The following MYO5A variants were observed in gnomAD, a reference collection of about 807,000 sequenced individuals.
MYO5A encodes myosin VA.
A neutral mutation model predicts 249.7 loss-of-function variants in MYO5A; 98 were observed. The observed-to-expected ratio is 0.39, with a 90% CI of 0.33 to 0.46. MYO5A has a LOEUF of 0.46. Ranked by LOEUF, MYO5A falls within the 20% of genes least tolerant of loss-of-function variation. MYO5A has a pLI of 0.98. For missense variants in MYO5A, 1,696 were observed against 2,308.8 expected (o/e 0.73, Z 5.44); for synonymous variants, 778 against 810.6 (o/e 0.96, Z 0.68).
chr15:52,363,475 T>C (rs1334187953), intron 24 of MYO5A, among the ~76,000 whole-genome samples: 2 of 152,254 alleles, frequency 1.3e-5, no homozygotes, highest in Non-Finnish European at 2.9e-5. Context: ...TGGTCTCTTT[T>C]AGACAGGATT....
chr15:52,440,352 T>C (rs1038188444), intron 1 of MYO5A, among the ~76,000 whole-genome samples: 2 of 152,030 alleles, frequency 1.3e-5, no homozygotes, highest in Non-Finnish European at 2.9e-5. Flanking sequence ...ACTGCTACCT[T>C]TGCCTCCCAG....
At chr15:52,399,913 G>T (rs2042672705) in intron 9 of MYO5A, among the ~76,000 whole-genome samples, 1 of 152,042 alleles carries the variant, frequency 6.6e-6, no homozygotes. Flanking sequence ...GTTGTATTTG[G>T]TTTTCTGTTT....
Position 52,370,363 on chromosome 15 carries a change from T to C in MYO5A, c.2872A>G (p.Asn958Asp). The C allele has an allele frequency of 6.2e-7, 1 of 1,614,060 alleles. No individual in the cohort carries two copies. Among genetic ancestry groups the C allele is most frequent in the Admixed American group, 1.7e-5 (1 of 60,006 alleles). ...EKLTNLEGIYNSETEKLRSDL... is the reference protein window; with the variant it reads ...EKLTNLEGIYDSETEKLRSDL... ...CTTCGTAGTTTCTCAGTCTCAGAGT[T>C]GTATATTCCTTCCAGATTGGTTAGT... is the stretch of plus-strand genomic sequence containing the variant. The change falls in exon 22 of 42, where the codon AAC becomes GAC. Residue 958 changes from asparagine (N) to aspartate (D), a missense_variant. By Grantham distance (23) the Asn-to-Asp change is conservative. This residue lies in a region of MYO5A where 412 missense variants were observed against 453.3 expected (regional missense o/e 0.91). Transcript: ENST00000399233.
chr15:52,368,073 G>T (rs1370868708), intron 22 of MYO5A, among the ~76,000 whole-genome samples: 1 of 152,162 alleles, frequency 6.6e-6, no homozygotes, highest in Non-Finnish European at 1.5e-5. Context: ...CTTTTTCTAA[G>T]CTAAAGTTTA....
intron 28 of MYO5A, 43 bp downstream of exon 28, chr15:52,351,211 G>T: frequency 6.7e-7 from 1 of 1,490,308 alleles, no homozygotes; most frequent in Non-Finnish European, 9.3e-7. Context: ...AGATATTGAG[G>T]CCAGTCCCCG....
At chr15:52,526,878 G>A (rs2077738965) in intron 1 of MYO5A, among the ~76,000 whole-genome samples, 1 of 152,174 alleles carries the variant, frequency 6.6e-6, no homozygotes, top group African/African-American at 2.4e-5. Flanking sequence ...TAGTTAAGCA[G>A]CCTACTATTA....
chr15:52,379,812 C>T lies in MYO5A; in HGVS notation c.2099+10G>A, dbSNP rs376695505. On this transcript the variant is annotated intron_variant, in intron 17 of 41. Transcript: ENST00000399233. ...TAGGATCCCTTACATCTGAAAAATG[C>T]CAGGCTCACCGTGAGGGGAAACCGG... The T allele has an allele frequency of 6.2e-7, 1 of 1,614,092 alleles. No homozygotes were observed. Among genetic ancestry groups the T allele is most frequent in the East Asian group, 2.2e-5 (1 of 44,884 alleles).
At chr15:52,528,732 G>C in intron 1 of MYO5A, 48 bp downstream of exon 1, 1 of 1,486,248 alleles carries the variant, frequency 6.7e-7, no homozygotes, top group Non-Finnish European at 8.9e-7. Context: ...AGCTGGCGGC[G>C]AGGGCCGCAC....
intron 1 of MYO5A, among the ~76,000 whole-genome samples, chr15:52,443,686 C>A (rs1669864): frequency 0.31 from 45,316 of 144,256 alleles, 9,198 homozygotes; most frequent in East Asian, 0.66. Flanking sequence ...TTAGCCTGGG[C>A]GACAGGGCAA....
intron 1 of MYO5A, among the ~76,000 whole-genome samples, chr15:52,525,148 A>G (rs1408390446): frequency 6.6e-6 from 1 of 152,194 alleles, no homozygotes; most frequent in Non-Finnish European, 1.5e-5. Flanking sequence ...TCAAAATCAG[A>G]AGCAATGAGA....
At chr15:52,434,497 G>A (rs2075618612) in intron 1 of MYO5A, among the ~76,000 whole-genome samples, 1 of 152,010 alleles carries the variant, frequency 6.6e-6, no homozygotes, top group African/African-American at 2.4e-5. Flanking sequence ...GGTAAAAATG[G>A]CACAGCCAGT....
At chr15:52,403,977 G>A (rs1170430730) in intron 9 of MYO5A, among the ~76,000 whole-genome samples, 2 of 152,054 alleles carry the variant, frequency 1.3e-5, no homozygotes, top group Non-Finnish European at 2.9e-5. Flanking sequence ...TAAGTTACAG[G>A]GCTGGATGTG....
chr15:52,454,330 C>G (rs185533419), intron 1 of MYO5A, among the ~76,000 whole-genome samples: 38 of 152,126 alleles, frequency 2.5e-4, no homozygotes, highest in African/African-American at 8.7e-4. Context: ...TTATTAATAT[C>G]TATGCACCCA....
intron 34 of MYO5A, among the ~76,000 whole-genome samples, chr15:52,335,516 C>CAAA (rs397854139): frequency 2.2e-4 from 14 of 64,022 alleles, no homozygotes; most frequent in Middle Eastern, 0.016. Context: ...ACTCTGTCTC[C>CAAA]AAAAAAAAAA....
intron 32 of MYO5A, 73 bp from the exon 33 acceptor site, chr15:52,337,957 C>A: frequency 9.7e-7 from 1 of 1,028,440 alleles, no homozygotes; most frequent in Non-Finnish European, 1.4e-6. Context: ...TCAGCAAAAT[C>A]AATTTTAAAA....
chr15:52,420,481 T>C (rs1469515461), intron 4 of MYO5A, among the ~76,000 whole-genome samples: 1 of 152,016 alleles, frequency 6.6e-6, no homozygotes. Context: ...CCTTCCACCA[T>C]AAGATGACGT....
chr15:52,412,000 A>C (rs1442190585), intron 5 of MYO5A, among the ~76,000 whole-genome samples: 2 of 152,212 alleles, frequency 1.3e-5, no homozygotes, highest in Non-Finnish European at 2.9e-5. Flanking sequence ...ATATTACAAA[A>C]CACCACAGCA....
chr15:52,357,330 A>G (rs1183436759), intron 25 of MYO5A, among the ~76,000 whole-genome samples: 1 of 151,974 alleles, frequency 6.6e-6, no homozygotes. Flanking sequence ...TGAATATAAT[A>G]CTTCATTCAT....
chr15:52,506,643 C>A (rs1282952813), intron 1 of MYO5A, among the ~76,000 whole-genome samples: 1 of 151,964 alleles, frequency 6.6e-6, no homozygotes, highest in Non-Finnish European at 1.5e-5. Flanking sequence ...TCAACACCAG[C>A]CTGGCCAACA....
Sources: allele counts gnomAD v4.1 joint callset (sites outside exome capture counted in the v4.1 genomes callset), GRCh38; gene constraint gnomAD v4.1.1; regional missense constraint gnomAD v4.1.1; transcripts MANE v1.5; gene names NCBI Gene and HGNC (gene_info 2026-07-23, HGNC 2026-07-21).